Variants in WDR64 observed in about 807,000 individuals in gnomAD.
The protein encoded by WDR64 is WD repeat-containing protein 64.
WDR64 carries 112 observed loss-of-function variants against 139.3 expected under a neutral mutation model. That is an observed-to-expected ratio of 0.80 (90% confidence interval 0.69 to 0.94). The LOEUF is 0.94. WDR64 is among the 40% of genes least tolerant of loss of function. The pLI is 0.00. For missense variants in WDR64, 1,206 were observed against 1,293.1 expected (o/e 0.93, Z 1.03); for synonymous variants, 444 against 437.7 (o/e 1.01, Z -0.18).
At chr1:241,770,756 T>C (rs1574084858) in intron 18 of WDR64, 66 bp downstream of exon 18, 4 of 1,346,180 alleles carry the variant, frequency 3.0e-6, no homozygotes, top group Middle Eastern at 3.6e-4. Flanking sequence ...AATAGTGCTA[T>C]TGAGCACATT....
At chr1:241,762,598 G>A (rs1012691417) in intron 15 of WDR64, among the ~76,000 whole-genome samples, 1 of 151,830 alleles carries the variant, frequency 6.6e-6, no homozygotes, top group African/African-American at 2.4e-5. Flanking sequence ...CAAACCTTTT[G>A]CACTTTTCAG....
chr1:241,719,948 T>C (rs1179727854), intron 9 of WDR64, among the ~76,000 whole-genome samples: 1 of 152,144 alleles, frequency 6.6e-6, no homozygotes, highest in East Asian at 1.9e-4. Context: ...TTCTTCCTGA[T>C]CCTCTCTCTT....
chr1:241,652,710 A>T, intron 1 of WDR64, 81 bp downstream of exon 1: 1 of 1,487,124 alleles, frequency 6.7e-7, no homozygotes, highest in Non-Finnish European at 9.0e-7. Context: ...AGAGAGAAGC[A>T]TCAGAGCTTA....
At chr1:241,706,337 G>A (rs1037429813) in intron 8 of WDR64, among the ~76,000 whole-genome samples, 1 of 152,242 alleles carries the variant, frequency 6.6e-6, no homozygotes, top group Non-Finnish European at 1.5e-5. Flanking sequence ...ATGGGAATTG[G>A]CCCAAGAAGA....
In WDR64 at chr1:241,741,575, C is replaced by T. The variant is rs770513110; in HGVS notation, c.1381C>T (p.Pro461Ser). ...TRMIQDTKQV[P>S]HTHEREINVM... ...GATGATACAAGATACAAAACAGGTT[C>T]CTCACACTCATGAACGAGAAATCAA... The change falls in exon 12 of 28, where the codon CCT becomes TCT. Residue 461 changes from proline to serine, a missense_variant. Physicochemically the swap from Pro to Ser is moderately conservative, Grantham distance 74. Coordinates refer to ENST00000437684, the MANE Select transcript of WDR64 (RefSeq NM_001367482.1). 1 of 1,613,412 alleles carries T rather than the reference C, an allele frequency of 6.2e-7. No homozygotes were observed.
intron 8 of WDR64, among the ~76,000 whole-genome samples, chr1:241,704,026 A>G (rs892401829): frequency 1.3e-5 from 2 of 152,178 alleles, no homozygotes; most frequent in African/African-American, 2.4e-5. Context: ...TCAAGATGAG[A>G]TTTGGGTGGG....
intron 23 of WDR64, among the ~76,000 whole-genome samples, chr1:241,784,400 TTGA>T (rs1453134354): frequency 6.6e-6 from 1 of 152,086 alleles, no homozygotes; most frequent in Non-Finnish European, 1.5e-5. Flanking sequence ...TGGTTTAGAT[TTGA>T]TGATAGCTAT....
chr1:241,766,423 G>C (rs957925134), intron 16 of WDR64, 72 bp downstream of exon 16: 1 of 1,515,660 alleles, frequency 6.6e-7, no homozygotes, highest in African/African-American at 1.4e-5. Context: ...GCAACACTCA[G>C]GGAAGGGCTG....
intron 4 of WDR64, 52 bp from the exon 5 acceptor site, chr1:241,678,135 T>C (rs577664033): frequency 5.0e-6 from 2 of 398,816 alleles, no homozygotes; most frequent in South Asian, 2.5e-4. Flanking sequence ...AGCATTCTCA[T>C]CTTTAATGGT....
intron 10 of WDR64, among the ~76,000 whole-genome samples, chr1:241,729,583 A>T (rs2148215626): frequency 6.6e-6 from 1 of 152,304 alleles, no homozygotes; most frequent in African/African-American, 2.4e-5. Flanking sequence ...GTCTGAAACA[A>T]TTCTCCTCCC....
At chr1:241,706,895 A>C (rs188920497) in intron 8 of WDR64, among the ~76,000 whole-genome samples, 130 of 152,354 alleles carry the variant, frequency 8.5e-4, no homozygotes, top group African/African-American at 3.1e-3. Context: ...CTATTCCTGC[A>C]AACTGGTAGC....
chr1:241,799,795 A>G (rs1659470904), intron 27 of WDR64, among the ~76,000 whole-genome samples: 1 of 152,148 alleles, frequency 6.6e-6, no homozygotes, highest in African/African-American at 2.4e-5. Flanking sequence ...CAATTAATGA[A>G]CACTAGAGAG....
intron 7 of WDR64, among the ~76,000 whole-genome samples, chr1:241,686,434 C>T (rs984992505): frequency 1.3e-5 from 2 of 152,184 alleles, no homozygotes; most frequent in Non-Finnish European, 2.9e-5. Context: ...TATTGTAGAA[C>T]TTTCATGCCT....
At chr1:241,788,718 G>T (rs1295451415) in intron 24 of WDR64, among the ~76,000 whole-genome samples, 1 of 152,192 alleles carries the variant, frequency 6.6e-6, no homozygotes, top group Non-Finnish European at 1.5e-5. Context: ...AAGCCACACA[G>T]GATTTGGATC....
chr1:241,660,461 A>C lies in WDR64; in HGVS notation c.146-69A>C, dbSNP rs991672747. The stretch of plus-strand genomic sequence containing the variant: ...GAAAATACAAGGTGAGGAAATAAAA[A>C]ATGTAGCTGAAATACAAAAGGTAGT... On this transcript the variant is annotated intron_variant, in intron 1 of 27. Coordinates refer to ENST00000437684, the MANE Select transcript of WDR64 (RefSeq NM_001367482.1). 20 of 1,504,606 alleles carry C rather than the reference A, an allele frequency of 1.3e-5. No individual in the cohort carries two copies. The African/African-American group carries it at 2.5e-4, about 19-fold the overall frequency. 93.2% of individuals were successfully genotyped at this position (1,504,606 alleles called of 1,614,324 possible). A position where few individuals can be genotyped will look rare whatever the true frequency, so the allele number is the denominator to read the frequency against.
intron 8 of WDR64, among the ~76,000 whole-genome samples, chr1:241,701,922 C>T (rs960111555): frequency 6.6e-6 from 1 of 152,118 alleles, no homozygotes; most frequent in African/African-American, 2.4e-5. Flanking sequence ...TTATACAATA[C>T]ATAATTGGCC....
intron 27 of WDR64, among the ~76,000 whole-genome samples, chr1:241,800,358 C>G (rs1319966203): frequency 6.6e-6 from 1 of 152,114 alleles, no homozygotes; most frequent in Non-Finnish European, 1.5e-5. Context: ...CTTTCTTTAT[C>G]CCCATAATAG....
intron 4 of WDR64, among the ~76,000 whole-genome samples, chr1:241,675,038 T>G (rs1318997264): frequency 4.4e-5 from 1 of 22,484 alleles, no homozygotes; most frequent in Non-Finnish European, 1.0e-4. Flanking sequence ...CCTCCCTCCT[T>G]CTTCTTTCCT....
At chr1:241,732,921 C>T in intron 10 of WDR64, among the ~76,000 whole-genome samples, 1 of 152,030 alleles carries the variant, frequency 6.6e-6, no homozygotes, top group East Asian at 1.9e-4. Context: ...GGAAGAAATG[C>T]CGGGAAATAC....
Sources: allele counts gnomAD v4.1 joint callset (sites outside exome capture counted in the v4.1 genomes callset), GRCh38; gene constraint gnomAD v4.1.1; transcripts MANE v1.5; gene names NCBI Gene and HGNC (gene_info 2026-07-23, HGNC 2026-07-21).